Variants in RNF13 observed in about 807,000 individuals in gnomAD.
The protein encoded by RNF13 is E3 ubiquitin-protein ligase RNF13.
A neutral mutation model predicts 37.7 loss-of-function variants in RNF13; 19 were observed. The observed-to-expected ratio is 0.50, with a 90% confidence interval of 0.35 to 0.74. RNF13 has a LOEUF of 0.74. Ranked by LOEUF, RNF13 falls within the 30% of genes least tolerant of loss-of-function variation. The probability of loss-of-function intolerance (pLI) is 0.01; values close to 1 mark genes in which losing one functional copy is unlikely to be tolerated. For synonymous variants in RNF13, 144 were observed against 157.8 expected (o/e 0.91, Z 0.65); for missense variants, 375 against 453.0 (o/e 0.83, Z 1.56).
intron 1 of RNF13, among the ~76,000 whole-genome samples, chr3:149,842,143 A>T (rs780699516): frequency 1.3e-5 from 2 of 150,640 alleles, no homozygotes; most frequent in Non-Finnish European, 3.0e-5. Flanking sequence ...TTTCTTTTTG[A>T]TTTTCACTTT....
At chr3:149,931,404 TTTC>T (rs1719148816) in intron 8 of RNF13, among the ~76,000 whole-genome samples, 1 of 152,178 alleles carries the variant, frequency 6.6e-6, no homozygotes, top group Non-Finnish European at 1.5e-5. Flanking sequence ...TCAATTTTTA[TTTC>T]TTTTTTTCTG....
intron 4 of RNF13, among the ~76,000 whole-genome samples, chr3:149,888,904 A>T (rs1559931093): frequency 6.6e-6 from 1 of 152,208 alleles, no homozygotes; most frequent in Non-Finnish European, 1.5e-5. Flanking sequence ...AATAGATTGC[A>T]TTTTATTAGA....
At chr3:149,835,897 CTGGATT>C (rs1721577294) in intron 1 of RNF13, among the ~76,000 whole-genome samples, 1 of 129,500 alleles carries the variant, frequency 7.7e-6, no homozygotes, top group Non-Finnish European at 1.7e-5. Context: ...ACTGGGATTG[CTGGATT>C]CCCAGTACTG....
chr3:149,897,556 AGTT>A (rs1335685094), intron 5 of RNF13, among the ~76,000 whole-genome samples: 1 of 152,126 alleles, frequency 6.6e-6, no homozygotes, highest in Non-Finnish European at 1.5e-5. Flanking sequence ...GTTTCAACTG[AGTT>A]GTTGTTCAAA....
intron 4 of RNF13, among the ~76,000 whole-genome samples, chr3:149,884,462 T>A (rs537917170): frequency 1.3e-5 from 2 of 152,188 alleles, no homozygotes; most frequent in Admixed American, 6.5e-5. Flanking sequence ...CTGGAAATTG[T>A]TAATCTTTTT....
chr3:149,844,604 A>T (rs1722469429), intron 1 of RNF13, among the ~76,000 whole-genome samples: 1 of 152,208 alleles, frequency 6.6e-6, no homozygotes, highest in Non-Finnish European at 1.5e-5. Flanking sequence ...CTGTCCTGAA[A>T]TCTAAATTTC....
chr3:149,870,866 G>T (rs143126079), intron 3 of RNF13, among the ~76,000 whole-genome samples: 1 of 151,828 alleles, frequency 6.6e-6, no homozygotes, highest in East Asian at 1.9e-4. Flanking sequence ...TAGATGATTG[G>T]TGTGACCAGT....
At chr3:149,844,219 A>G (rs1192486003) in intron 1 of RNF13, among the ~76,000 whole-genome samples, 1 of 152,240 alleles carries the variant, frequency 6.6e-6, no homozygotes, top group Non-Finnish European at 1.5e-5. Flanking sequence ...TACAAGACTC[A>G]GCACATGGTT....
chr3:149,943,729 C>T (rs947881163), intron 8 of RNF13, among the ~76,000 whole-genome samples: 3 of 152,116 alleles, frequency 2.0e-5, no homozygotes, highest in African/African-American at 7.2e-5. Flanking sequence ...ACTGTTTCCA[C>T]AGTCACTTTT....
At chr3:149,959,213 G>A (rs1722150409) in intron 8 of RNF13, among the ~76,000 whole-genome samples, 1 of 152,144 alleles carries the variant, frequency 6.6e-6, no homozygotes, top group Non-Finnish European at 1.5e-5. Context: ...ACTATTAATT[G>A]AAAAAGCTGC....
chr3:149,821,458 G>C (rs893385183), intron 1 of RNF13, among the ~76,000 whole-genome samples: 24 of 152,064 alleles, frequency 1.6e-4, no homozygotes, highest in Admixed American at 1.6e-3. Context: ...GGCCATGTGT[G>C]TATCTGCTTT....
intron 8 of RNF13, among the ~76,000 whole-genome samples, chr3:149,948,438 CTG>C (rs934296548): frequency 2.6e-5 from 4 of 152,078 alleles, no homozygotes; most frequent in African/African-American, 4.8e-5. Context: ...TTTCCTCTCA[CTG>C]TGTTTTTTGT....
chr3:149,947,501 C>T (rs994528247), intron 8 of RNF13, among the ~76,000 whole-genome samples: 1 of 151,714 alleles, frequency 6.6e-6, no homozygotes, highest in African/African-American at 2.4e-5. Context: ...TGCCGCTGGG[C>T]TTAAGCGATT....
rs566805604 is a variant in RNF13 at position 149,861,788 on chromosome 3, G to A, written c.195+9192G>A. Among the ~76,000 whole-genome samples, 85 of 152,262 alleles carry A rather than the reference G, an allele frequency of 5.6e-4. 1 individual carries two copies. The highest frequency in any genetic ancestry group is 4.6e-4 in the Admixed American group (7 of 15,308). ...TTGAAGTTGCTGGAAGACAGAACTT[G>A]AAATGTTCTCAACACATAGAAATGA... On this transcript the variant is annotated intron_variant, in intron 3 of 9. Coordinates refer to ENST00000392894, the MANE Select transcript of RNF13 (RefSeq NM_183381.3).
chr3:149,928,271 C>T (rs1483520995), intron 8 of RNF13, among the ~76,000 whole-genome samples: 1 of 151,846 alleles, frequency 6.6e-6, no homozygotes, highest in Non-Finnish European at 1.5e-5. Context: ...TAAAGATTTA[C>T]CCTATGTTTT....
intron 8 of RNF13, among the ~76,000 whole-genome samples, chr3:149,945,774 T>C (rs1720715452): frequency 6.6e-6 from 1 of 152,232 alleles, no homozygotes; most frequent in Non-Finnish European, 1.5e-5. Flanking sequence ...TTCGCTGTAC[T>C]GCAGCCTCCG....
chr3:149,944,207 C>T (rs1378728346), intron 8 of RNF13, among the ~76,000 whole-genome samples: 2 of 152,170 alleles, frequency 1.3e-5, no homozygotes, highest in East Asian at 1.9e-4. Flanking sequence ...TTTCTTAATC[C>T]AGTCTATCAT....
chr3:149,838,020 A>C (rs1426514045), intron 1 of RNF13, among the ~76,000 whole-genome samples: 2 of 152,210 alleles, frequency 1.3e-5, no homozygotes, highest in Non-Finnish European at 2.9e-5. Context: ...TGGCCAAATC[A>C]AAAGGGCTAC....
intron 8 of RNF13, among the ~76,000 whole-genome samples, chr3:149,927,482 A>G (rs1236120974): frequency 6.6e-6 from 1 of 152,174 alleles, no homozygotes; most frequent in Non-Finnish European, 1.5e-5. Context: ...CATGGATTCA[A>G]TTATTTTGGG....
Sources: gnomAD v4.1 joint callset for allele counts (sites outside exome capture counted in the v4.1 genomes callset) on GRCh38, gnomAD v4.1.1 for gene constraint, MANE v1.5 for transcripts, NCBI Gene and HGNC (gene_info 2026-07-23, HGNC 2026-07-21) for gene names.